The following RP2 variants were observed in gnomAD, a reference collection of about 807,000 sequenced individuals.
The protein encoded by RP2 is protein XRP2.
RP2 carries 3 observed loss-of-function variants against 20.3 expected under a neutral mutation model. The ratio of observed to expected loss-of-function variants is 0.15; its 90% CI spans 0.07 to 0.38. The LOEUF (loss-of-function observed/expected upper bound fraction) is 0.38, where lower values mean the gene tolerates loss of function less well. Ranked by LOEUF, RP2 falls within the 10% of genes least tolerant of loss-of-function variation. The pLI, the probability that RP2 is intolerant of heterozygous loss-of-function variation, is 1.00. For missense variants in RP2, 233 were observed against 268.5 expected, an observed-to-expected ratio of 0.87 and a Z score of 0.92; for synonymous variants, 75 against 94.8, an observed-to-expected ratio of 0.79 and a Z score of 1.22.
At chrX:46,868,050 T>G (rs1387397062) in intron 3 of RP2, among the ~76,000 whole-genome samples, 1 of 112,056 alleles carries the variant, frequency 8.9e-6, no homozygotes, top group Non-Finnish European at 1.9e-5. Context: ...TGTAGTTCTA[T>G]TTTTAGTTTT....
intron 1 of RP2, among the ~76,000 whole-genome samples, chrX:46,848,121 T>G (rs1924790527): frequency 9.3e-6 from 1 of 107,886 alleles, no homozygotes; most frequent in Middle Eastern, 4.9e-3. Flanking sequence ...TATATAGTGC[T>G]TCTTATACTC....
At chrX:46,877,742 G>T in intron 4 of RP2, 152 bp downstream of exon 4, 3 of 253,163 alleles carry the variant, frequency 1.2e-5, no homozygotes, top group Admixed American at 6.2e-5. Flanking sequence ...GTTTAAAGCA[G>T]ATCATGATTT....
In RP2 at chrX:46,856,431, C is replaced by T. The variant is rs782011943; in HGVS notation, c.768+2290C>T. On this transcript the variant is annotated intron_variant, in intron 2 of 4. Coordinates refer to ENST00000218340, the MANE Select transcript of RP2 (RefSeq NM_006915.3). ...CCCACAGCGATAATAATAACTAACA[C>T]TTACATAGTGTTTACTATATGCCAG... Among the ~76,000 whole-genome samples, 3 of 111,894 alleles carry T rather than the reference C, an allele frequency of 2.7e-5. 1 individual carries two copies. The South Asian group carries it at 1.1e-3, about 41-fold the overall frequency.
In RP2 at chrX:46,879,702, GC is replaced by G. The variant is rs782171762; in HGVS notation, c.987del (p.Ser329ArgfsTer9). On this transcript the variant is annotated frameshift_variant, in exon 5 of 5. Coordinates refer to ENST00000218340, the MANE Select transcript of RP2 (RefSeq NM_006915.3). LOFTEE classifies it high-confidence loss of function. The stretch of plus-strand genomic sequence containing the variant: ...TTAAAATAGATGTTTGTATCTGAAA[GC>G]AAGGAGACGGCATCTGGAGATGTAG... ...FNGTKMFVSE[S>X]KETASGDVDS... is the part of the protein sequence containing the mutation. 1 of 1,193,966 alleles carries G rather than the reference GC, an allele frequency of 8.4e-7. No individual in the cohort carries two copies. The highest frequency in any genetic ancestry group is 1.8e-5 in the South Asian group (1 of 55,994).
At chrX:46,840,580 T>C (rs1924602591) in intron 1 of RP2, among the ~76,000 whole-genome samples, 1 of 112,706 alleles carries the variant, frequency 8.9e-6, no homozygotes, top group Non-Finnish European at 1.9e-5. Context: ...TCCTTATCTG[T>C]ATGCTGCCAC....
At chrX:46,854,769 CA>C in intron 2 of RP2, among the ~76,000 whole-genome samples, 1 of 109,849 alleles carries the variant, frequency 9.1e-6, no homozygotes, top group Middle Eastern at 4.6e-3. Context: ...TAAGAAAATG[CA>C]ATTTTTTTTT....
chrX:46,865,725 C>T (rs913506758), intron 3 of RP2, among the ~76,000 whole-genome samples: 1 of 111,489 alleles, frequency 9.0e-6, no homozygotes, highest in African/African-American at 3.3e-5. Context: ...GTCAAGAGAT[C>T]GAGACCATCC....
intron 2 of RP2, among the ~76,000 whole-genome samples, chrX:46,855,822 A>T (rs1556319124): frequency 1.8e-5 from 2 of 110,673 alleles, no homozygotes; most frequent in Non-Finnish European, 3.8e-5. Context: ...GTTGGAACAT[A>T]TCAAAAGGAA....
In RP2 at chrX:46,854,256, T is replaced by C; in HGVS notation, c.768+115T>C. On this transcript the variant is annotated intron_variant, in intron 2 of 4. Transcript: ENST00000218340. ...GGAAATACAGGCAACCCTCAAGTTA[T>C]AGTCCTTTGCCACCACCCCCTCTCC... 5 of 723,279 alleles carry C rather than the reference T, an allele frequency of 6.9e-6. No individual in the cohort carries two copies. The South Asian group carries it at 7.2e-5, about 10-fold the overall frequency. The allele number at this position is 723,279 out of a possible 1,213,427, so 59.6% of individuals were successfully genotyped here. A position where few individuals can be genotyped will look rare whatever the true frequency, so the allele number is the denominator to read the frequency against.
At chrX:46,860,854 A>G (rs782724984) in intron 3 of RP2, among the ~76,000 whole-genome samples, 1 of 112,285 alleles carries the variant, frequency 8.9e-6, no homozygotes, top group Non-Finnish European at 1.9e-5. Flanking sequence ...TCTGCATTTT[A>G]TGTGCTCTTT....
chrX:46,861,390 T>A (rs1925059361), intron 3 of RP2, among the ~76,000 whole-genome samples: 1 of 111,929 alleles, frequency 8.9e-6, no homozygotes, highest in African/African-American at 3.2e-5. Context: ...AATAAGCAGA[T>A]GTTGCAGGAA....
intron 4 of RP2, among the ~76,000 whole-genome samples, chrX:46,879,088 A>C (rs971337460): frequency 9.8e-6 from 1 of 101,560 alleles, no homozygotes. Context: ...AAAAAAAAAA[A>C]AACTAGCTAG....
chrX:46,839,263 T>TAA (rs1986324661), intron 1 of RP2, among the ~76,000 whole-genome samples: 1 of 112,116 alleles, frequency 8.9e-6, no homozygotes, highest in African/African-American at 3.2e-5. Context: ...AAAATATTTT[T>TAA]TTCTAGGGCC....
At chrX:46,847,766 A>G (rs200811142) in intron 1 of RP2, among the ~76,000 whole-genome samples, 21 of 60,288 alleles carry the variant, frequency 3.5e-4, no homozygotes, top group Non-Finnish European at 5.4e-4. Flanking sequence ...ATATACACAC[A>G]TGTGTGTGTG....
At chrX:46,871,605 G>A (rs1556326429) in intron 3 of RP2, among the ~76,000 whole-genome samples, 1 of 111,858 alleles carries the variant, frequency 8.9e-6, no homozygotes, top group African/African-American at 3.3e-5. Flanking sequence ...GTATTTTATG[G>A]CACAGAATAT....
chrX:46,848,530 CCCA>C (rs1556317504), intron 1 of RP2, among the ~76,000 whole-genome samples: 1 of 106,563 alleles, frequency 9.4e-6, no homozygotes, highest in African/African-American at 3.4e-5. Flanking sequence ...ATTACAGGCG[CCCA>C]CCACCATGCC....
At chrX:46,847,929 C>CATATATAT (rs10533014) in intron 1 of RP2, among the ~76,000 whole-genome samples, 24 of 82,374 alleles carry the variant, frequency 2.9e-4, no homozygotes, top group African/African-American at 1.1e-3. Context: ...TGTGTATATA[C>CATATATAT]ATATATATAT....
chrX:46,839,179 T>C (rs1924569546), intron 1 of RP2, among the ~76,000 whole-genome samples: 1 of 112,271 alleles, frequency 8.9e-6, no homozygotes, highest in African/African-American at 3.2e-5. Flanking sequence ...TTTTAGTTTT[T>C]TTTTCTTTTG....
intron 1 of RP2, among the ~76,000 whole-genome samples, chrX:46,844,435 TTTTTGTCCTTGCTA>T (rs1477990029): frequency 3.7e-5 from 4 of 109,224 alleles, no homozygotes; most frequent in Non-Finnish European, 5.7e-5. Flanking sequence ...AGTGTTTGGT[TTTTTGTCCTTGCTA>T]TAGTTTGCTG....
Sources: gnomAD v4.1 joint callset for allele counts (sites outside exome capture counted in the v4.1 genomes callset) on GRCh38, gnomAD v4.1.1 for gene constraint, MANE v1.5 for transcripts, NCBI Gene and HGNC (gene_info 2026-07-23, HGNC 2026-07-21) for gene names.